The following MYEF2 variants were observed in gnomAD, a reference collection of about 807,000 sequenced individuals.
MYEF2 encodes myelin gene expression factor 2.
A neutral mutation model predicts 75.2 loss-of-function variants in MYEF2; 37 were observed. The observed-to-expected ratio is 0.49, with a 90% CI of 0.38 to 0.65. MYEF2 has a LOEUF of 0.65. MYEF2 is among the 30% of genes least tolerant of loss of function. MYEF2 has a pLI of 0.00. For missense variants in MYEF2, 634 were observed against 771.4 expected (o/e 0.82, Z 2.11); for synonymous variants, 195 against 241.6 (o/e 0.81, Z 1.79).
At position 48,168,706 on chromosome 15, in the gene MYEF2, G is replaced by A. The variant is rs142965397; in HGVS notation, c.295C>T (p.Arg99Cys). 1.7e-5 allele frequency: 28 copies of A among 1,613,694 alleles called. No individual in the cohort carries two copies. The highest frequency in any genetic ancestry group is 3.3e-5 in the Admixed American group (2 of 59,992). ...ATGTTGCTAATGAAAACTCTGTTAC[G>A]ATTTGGACCCTTCTTTTCTCCAGCG... ...SGAGEKKGPN[R>C]NRVFISNIPY... The change falls in exon 2 of 17, where the codon CGT (arginine) becomes TGT (cysteine). Residue 99 changes from arginine to cysteine, a missense_variant. Physicochemically the swap from Arg to Cys is radical, Grantham distance 180. Coordinates refer to ENST00000324324, the MANE Select transcript of MYEF2 (RefSeq NM_016132.5).
rs1161782688 is a variant in MYEF2 at position 48,137,573 on chromosome 15, G to C, written c.*5335C>G. ...TGAAGAGACAAAGAGGTCTGTAAGA[G>C]AGGCTATTACAACAGCTGATGTGTT... On this transcript the variant is annotated 3_prime_UTR_variant, in exon 17 of 17. Transcript: ENST00000324324. The C allele has an allele frequency of 1.3e-5, 2 of 152,164 alleles. No individual in the cohort carries two copies. The highest frequency in any genetic ancestry group is 4.8e-5 in the African/African-American group (2 of 41,434). 9.4% of individuals were successfully genotyped at this position (152,164 alleles called of 1,614,324 possible).
In MYEF2 at chr15:48,141,592, CCA is replaced by C; in HGVS notation, c.*1314_*1315del. 6.9e-6 allele frequency: 1 copy of C among 144,052 alleles called. No individual in the cohort carries two copies. The highest frequency in any genetic ancestry group is 1.4e-5 in the Non-Finnish European group (1 of 69,472). 8.9% of individuals were successfully genotyped at this position (144,052 alleles called of 1,614,324 possible). The stretch of plus-strand genomic sequence containing the variant: ...GAGACTGTGTCTCAAAAAACAAAAA[CCA>C]AAAAAAAAAAAAAAAGTTTACTTCC... On this transcript the variant is annotated 3_prime_UTR_variant, in exon 17 of 17. Transcript: ENST00000324324.
At chr15:48,163,003 G>A (rs1597336890) in intron 5 of MYEF2, 2 of 152,124 alleles carry the variant, frequency 1.3e-5, no homozygotes, top group South Asian at 2.1e-4. Context: ...TAAATCAAAA[G>A]TTAGACATGA....
At chr15:48,152,012 T>G in intron 11 of MYEF2, 70 bp from the exon 12 acceptor site, 1 of 1,484,856 alleles carries the variant, frequency 6.7e-7, no homozygotes, top group South Asian at 1.1e-5. Flanking sequence ...TTTGTAAATG[T>G]TAAATCTCAC....
At position 48,149,203 on chromosome 15, in the gene MYEF2, T is replaced by C. The variant is rs2039399425; in HGVS notation, c.1547A>G (p.Glu516Gly). ...LSGPMGSGMR[E>G]RIGSKGNQIF... ...CTGGTTGCCTTTGGAGCCTATTCTC[T>C]CTCTCATTCCGCTTCCCATTGGACC... is the stretch of plus-strand genomic sequence containing the variant. The change falls in exon 15 of 17, where the codon GAG becomes GGG. Residue 516 changes from glutamate to glycine, a missense_variant. Transcript: ENST00000324324. This position sits in a 1 kb window ranked among gnomAD's most constrained non-coding sequence, Gnocchi z 4.0. The C allele has an allele frequency of 1.2e-6, 2 of 1,613,346 alleles. No individual in the cohort carries two copies. Among genetic ancestry groups the C allele is most frequent in the Admixed American group, 1.7e-5 (1 of 59,948 alleles).
chr15:48,158,440 T>C (rs1322596789), intron 7 of MYEF2, among the ~76,000 whole-genome samples: 1 of 152,138 alleles, frequency 6.6e-6, no homozygotes, highest in Non-Finnish European at 1.5e-5. Context: ...AATTCAACCA[T>C]TGAAAAAAGT....
At chr15:48,155,690 GA>G (rs201530274) in intron 9 of MYEF2, among the ~76,000 whole-genome samples, 3,913 of 110,130 alleles carry the variant, frequency 0.036, 161 homozygotes, top group East Asian at 0.22. Context: ...AAGTACAAAG[GA>G]AAAAAAAAAA....
Position 48,136,733 on chromosome 15 carries a change from T to G in MYEF2, c.*6175A>C. The G allele has an allele frequency of 6.2e-7, 1 of 1,613,468 alleles. No individual in the cohort carries two copies. Among genetic ancestry groups the G allele is most frequent in the Non-Finnish European group, 8.5e-7 (1 of 1,179,704 alleles). ...ATATATGGATTGTATGTTTTGGTGCTGTGTTTTGACATTAAAATTAACCAA... is the reference window on the plus strand; with the variant it reads ...ATATATGGATTGTATGTTTTGGTGCGGTGTTTTGACATTAAAATTAACCAA... On this transcript the variant is annotated 3_prime_UTR_variant, in exon 17 of 17. Transcript: ENST00000324324.
At chr15:48,154,291 TTCAAA>T (rs1182174674) in intron 9 of MYEF2, among the ~76,000 whole-genome samples, 6 of 152,144 alleles carry the variant, frequency 3.9e-5, no homozygotes, top group African/African-American at 9.7e-5. Flanking sequence ...TTTTAAATGG[TTCAAA>T]TCAAACTAAA....
At position 48,178,170 on chromosome 15, in the gene MYEF2, G is replaced by C; in HGVS notation, c.68C>G (p.Ala23Gly). The C allele has an allele frequency of 6.5e-7, 1 of 1,549,668 alleles. No individual in the cohort carries two copies. Among genetic ancestry groups the C allele is most frequent in the South Asian group, 1.2e-5 (1 of 84,542 alleles). Residue 23 changes from alanine (A) to glycine (G), a missense_variant, in exon 1 of 17, where the codon GCA becomes GGA. Physicochemically the swap from Ala to Gly is moderately conservative, Grantham distance 60. Transcript: ENST00000324324. ...TGGDSPHLQPAEPPGEPRREP... is the reference protein window; with the variant it reads ...TGGDSPHLQPGEPPGEPRREP... ...TCGCCGCGGCTCGCCCGGCGGCTCT[G>C]CGGGCTGCAGGTGCGGGCTGTCGCC...
intron 11 of MYEF2, 90 bp from the exon 12 acceptor site, chr15:48,152,032 C>T: frequency 7.6e-7 from 1 of 1,315,726 alleles, no homozygotes; most frequent in Non-Finnish European, 1.1e-6. Context: ...CCAGTAAGCT[C>T]TTCATCCACC....
intron 5 of MYEF2, among the ~76,000 whole-genome samples, chr15:48,165,391 T>C (rs918333261): frequency 6.6e-6 from 1 of 152,116 alleles, no homozygotes; most frequent in Non-Finnish European, 1.5e-5. Context: ...TTTACACTGC[T>C]ACAATTTTGT....
At chr15:48,158,640 G>T in intron 7 of MYEF2, 129 bp downstream of exon 7, 1 of 1,084,694 alleles carries the variant, frequency 9.2e-7, no homozygotes, top group Non-Finnish European at 1.3e-6. Flanking sequence ...GGTTTTATTT[G>T]CTGGAGACTA....
Position 48,141,110 on chromosome 15 carries a change from C to T in MYEF2, c.*1798G>A, listed in dbSNP as rs1567232833. 6.2e-7 allele frequency: 1 copy of T among 1,606,764 alleles called. No individual in the cohort carries two copies. The highest frequency in any genetic ancestry group is 8.5e-7 in the Non-Finnish European group (1 of 1,173,974). ...TGTAACTTGAAATATCTGTTTATTA[C>T]AGGGGAAACACTAGAAATTCCCGAT... On this transcript the variant is annotated 3_prime_UTR_variant, in exon 17 of 17. Transcript: ENST00000324324.
Position 48,138,737 on chromosome 15 carries a change from A to G in MYEF2, c.*4171T>C, listed in dbSNP as rs188355630. 22 of 471,402 alleles carry G rather than the reference A, an allele frequency of 4.7e-5. No individual in the cohort carries two copies. The highest frequency in any genetic ancestry group is 4.0e-4 in the African/African-American group (21 of 51,936). 29.2% of individuals were successfully genotyped at this position (471,402 alleles called of 1,614,324 possible). A position where few individuals can be genotyped will look rare whatever the true frequency, so the allele number is the denominator to read the frequency against. ...CGAATGGCCCAAGACATTTTTATAG[A>G]TTTAAGGCCCCAAATAAAGAAATGC... is the stretch of plus-strand genomic sequence containing the variant. On this transcript the variant is annotated 3_prime_UTR_variant, in exon 17 of 17. Coordinates refer to ENST00000324324, the MANE Select transcript of MYEF2 (RefSeq NM_016132.5).
At chr15:48,151,392 AT>A in intron 13 of MYEF2, 80 bp downstream of exon 13, 2 of 1,328,494 alleles carry the variant, frequency 1.5e-6, no homozygotes, top group Non-Finnish European at 2.2e-6. Context: ...TGATTTTCTG[AT>A]TTTTCACAAA....
chr15:48,152,475 G>C, intron 10 of MYEF2, 191 bp from the exon 11 acceptor site: 1 of 467,408 alleles, frequency 2.1e-6, no homozygotes, highest in Middle Eastern at 5.6e-4. Context: ...TCTTCAAAAG[G>C]GTTTCTTTGA....
intron 5 of MYEF2, among the ~76,000 whole-genome samples, chr15:48,163,790 ACTCTGTCTGTG>A (rs2040037972): frequency 6.6e-6 from 1 of 152,008 alleles, no homozygotes; most frequent in East Asian, 1.9e-4. Flanking sequence ...GGCTAAATCT[ACTCTGTCTGTG>A]CTCTGTAAAT....
chr15:48,155,775 T>A (rs2039671817), intron 9 of MYEF2, among the ~76,000 whole-genome samples: 3 of 138 alleles, frequency 0.022, 1 homozygote, highest in South Asian at 1. Flanking sequence ...ATAATGGTAA[T>A]TTTTTTTTTT....
Sources: allele counts gnomAD v4.1 joint callset (sites outside exome capture counted in the v4.1 genomes callset), GRCh38; gene constraint gnomAD v4.1.1; non-coding constraint Gnocchi (gnomAD v3.1); transcripts MANE v1.5; gene names NCBI Gene and HGNC (gene_info 2026-07-23, HGNC 2026-07-21).